KCNH1: variants seen among roughly 807,000 people sequenced by gnomAD.
KCNH1 encodes voltage-gated delayed rectifier potassium channel KCNH1.
A neutral mutation model predicts 69.2 loss-of-function variants in KCNH1; 27 were observed. That is an observed-to-expected ratio of 0.39 (90% CI 0.29 to 0.54). KCNH1 has a LOEUF of 0.54. KCNH1 is among the 20% of genes least tolerant of loss of function. The probability of loss-of-function intolerance (pLI) is 0.68; values close to 1 mark genes in which losing one functional copy is unlikely to be tolerated. For missense variants in KCNH1, 798 were observed against 1,261.6 expected, an observed-to-expected ratio of 0.63 and a Z score of 5.57; for synonymous variants, 456 against 487.7, an observed-to-expected ratio of 0.93 and a Z score of 0.86.
At chr1:211,030,172 G>T (rs1024825505) in intron 5 of KCNH1, among the ~76,000 whole-genome samples, 4 of 152,170 alleles carry the variant, frequency 2.6e-5, no homozygotes, top group Non-Finnish European at 4.4e-5. Flanking sequence ...AAATTTATAT[G>T]AAAGTCAAAG....
intron 5 of KCNH1, among the ~76,000 whole-genome samples, chr1:211,048,822 T>C (rs979146906): frequency 4.6e-5 from 7 of 152,128 alleles, no homozygotes; most frequent in African/African-American, 1.7e-4. Flanking sequence ...CACCACCTGT[T>C]CCCCAAAAAC....
intron 7 of KCNH1, among the ~76,000 whole-genome samples, chr1:210,874,835 C>G (rs1241781690): frequency 6.6e-6 from 1 of 151,722 alleles, no homozygotes; most frequent in Non-Finnish European, 1.5e-5. Context: ...ACTCATATAC[C>G]CCTAACATAT....
At chr1:211,048,996 A>C (rs902944292) in intron 5 of KCNH1, among the ~76,000 whole-genome samples, 6 of 152,298 alleles carry the variant, frequency 3.9e-5, no homozygotes, top group Non-Finnish European at 8.8e-5. Context: ...ACTGAAATAG[A>C]CTAAGAAGAA....
chr1:211,090,544 C>G lies in KCNH1; in HGVS notation c.439+18G>C. 2 of 1,587,016 alleles carry G rather than the reference C, an allele frequency of 1.3e-6. No homozygotes were observed. The highest frequency in any genetic ancestry group is 1.7e-6 in the Non-Finnish European group (2 of 1,171,706). ...CAAAAAAGGCATAAATGTATTTGTA[C>G]AAGTCAGAATTACAAACCTTTACAT... On this transcript the variant is annotated intron_variant, in intron 4 of 10. Coordinates refer to ENST00000271751, the MANE Select transcript of KCNH1 (RefSeq NM_172362.3).
intron 10 of KCNH1, among the ~76,000 whole-genome samples, chr1:210,721,739 A>C (rs990391018): frequency 6.6e-6 from 1 of 152,196 alleles, no homozygotes; most frequent in African/African-American, 2.4e-5. Context: ...CCAACATGGC[A>C]CATGTATACA....
chr1:211,064,610 CT>C (rs1041205251), intron 5 of KCNH1, among the ~76,000 whole-genome samples: 49 of 148,342 alleles, frequency 3.3e-4, no homozygotes, highest in Middle Eastern at 3.5e-3. Flanking sequence ...AGTATGACCA[CT>C]TTTTTTTTTA....
intron 10 of KCNH1, among the ~76,000 whole-genome samples, chr1:210,721,072 A>G (rs1682443131): frequency 6.6e-6 from 1 of 152,084 alleles, no homozygotes; most frequent in Admixed American, 6.6e-5. Context: ...AGTGATCCAG[A>G]GAGTAGAGGA....
intron 10 of KCNH1, among the ~76,000 whole-genome samples, chr1:210,731,667 T>A (rs1045959471): frequency 6.6e-6 from 1 of 152,164 alleles, no homozygotes; most frequent in African/African-American, 2.4e-5. Flanking sequence ...CCAGATTAAA[T>A]TACCTCTTTA....
chr1:211,082,622 C>A (rs931904477), intron 5 of KCNH1, among the ~76,000 whole-genome samples, 158 bp downstream of exon 5: 1 of 152,170 alleles, frequency 6.6e-6, no homozygotes, highest in Non-Finnish European at 1.5e-5. Context: ...AGGTCACTTA[C>A]CCAGTATCAT....
At chr1:211,092,417 G>A (rs916522970) in intron 3 of KCNH1, among the ~76,000 whole-genome samples, 2 of 152,146 alleles carry the variant, frequency 1.3e-5, no homozygotes, top group African/African-American at 4.8e-5. Context: ...TAGACCCAAC[G>A]GAAATGTGTT....
intron 6 of KCNH1, among the ~76,000 whole-genome samples, chr1:210,965,672 C>A (rs1320073763): frequency 6.6e-6 from 1 of 152,116 alleles, no homozygotes; most frequent in East Asian, 1.9e-4. Flanking sequence ...ATACAACTTA[C>A]AAGGGATGTG....
chr1:210,852,907 G>T (rs1360266478), intron 7 of KCNH1, among the ~76,000 whole-genome samples: 3 of 152,196 alleles, frequency 2.0e-5, no homozygotes, highest in Non-Finnish European at 4.4e-5. Flanking sequence ...ATGCTCAAAA[G>T]ATGAGTTTCA....
chr1:211,039,576 C>T (rs1323931108), intron 5 of KCNH1, among the ~76,000 whole-genome samples: 5 of 152,272 alleles, frequency 3.3e-5, no homozygotes, highest in East Asian at 3.9e-4. Flanking sequence ...GTCACAGGGG[C>T]GGAGCTGCCT....
chr1:211,064,560 CA>C (rs925343588), intron 5 of KCNH1, among the ~76,000 whole-genome samples: 1 of 150,668 alleles, frequency 6.6e-6, no homozygotes, highest in Non-Finnish European at 1.5e-5. Context: ...GACTCCATCT[CA>C]AAAAAAACAT....
intron 4 of KCNH1, among the ~76,000 whole-genome samples, chr1:211,087,643 A>ACACACACACACACACACACACACGCACG (rs1558599148): frequency 1.0e-3 from 146 of 141,224 alleles, no homozygotes; most frequent in African/African-American, 4.0e-3. Flanking sequence ...ACACACGCAC[A>ACACACACACACACACACACACACGCACG]CACACACACA....
At chr1:211,047,452 T>A (rs939079382) in intron 5 of KCNH1, among the ~76,000 whole-genome samples, 18 of 152,158 alleles carry the variant, frequency 1.2e-4, no homozygotes, top group Non-Finnish European at 2.5e-4. Context: ...GGGACACGCT[T>A]ACAGAGAGGG....
chr1:211,048,189 T>C (rs1690128381), intron 5 of KCNH1, among the ~76,000 whole-genome samples: 1 of 152,188 alleles, frequency 6.6e-6, no homozygotes, highest in Non-Finnish European at 1.5e-5. Flanking sequence ...ATAATAGATG[T>C]TGGCATGGAT....
intron 1 of KCNH1, among the ~76,000 whole-genome samples, chr1:211,130,159 G>GT (rs762901374): frequency 1.3e-5 from 2 of 152,276 alleles, no homozygotes; most frequent in Middle Eastern, 3.4e-3. Context: ...AAACAGGCTG[G>GT]TTTTGCCTAT....
intron 9 of KCNH1, among the ~76,000 whole-genome samples, chr1:210,782,594 C>T (rs887806913): frequency 9.9e-5 from 15 of 152,134 alleles, no homozygotes; most frequent in Non-Finnish European, 1.9e-4. Flanking sequence ...GGTGTGGTGG[C>T]GAGCACTTGT....
Sources: gnomAD v4.1 joint callset for allele counts (sites outside exome capture counted in the v4.1 genomes callset) on GRCh38, gnomAD v4.1.1 for gene constraint, MANE v1.5 for transcripts, NCBI Gene and HGNC (gene_info 2026-07-23, HGNC 2026-07-21) for gene names.